The following NF2 variants were observed in gnomAD, a reference collection of about 807,000 sequenced individuals.
The protein encoded by NF2 is merlin.
A neutral mutation model predicts 83.7 loss-of-function variants in NF2; 8 were observed. That is an observed-to-expected ratio of 0.10 (90% CI 0.06 to 0.17). The LOEUF (loss-of-function observed/expected upper bound fraction) is 0.17. Among genes scored for constraint, NF2 ranks in the 10% least tolerant of loss-of-function variants. NF2 has a pLI of 1.00. For missense variants in NF2, 533 were observed against 744.4 expected (o/e 0.72, Z 3.31); for synonymous variants, 266 against 269.6 (o/e 0.99, Z 0.13).
intron 4 of NF2, among the ~76,000 whole-genome samples, chr22:29,642,533 G>A (rs980511086): frequency 6.6e-6 from 1 of 151,968 alleles, no homozygotes; most frequent in Admixed American, 6.6e-5. Context: ...TCGTTCTAAT[G>A]AATTAGAATT....
At chr22:29,687,970 C>T (rs909760365) in intron 15 of NF2, among the ~76,000 whole-genome samples, 17 of 152,206 alleles carry the variant, frequency 1.1e-4, no homozygotes, top group African/African-American at 3.1e-4. Flanking sequence ...GTGCTCCTCC[C>T]GGATGGGACA....
chr22:29,668,941 A>G (rs572032924), intron 10 of NF2, among the ~76,000 whole-genome samples: 10 of 152,382 alleles, frequency 6.6e-5, no homozygotes, highest in African/African-American at 1.2e-4. Flanking sequence ...AGGTGCCAGG[A>G]GCATCTATCA....
intron 1 of NF2, among the ~76,000 whole-genome samples, chr22:29,624,100 C>T (rs182201802): frequency 1.3e-5 from 2 of 152,324 alleles, no homozygotes; most frequent in East Asian, 3.9e-4. Flanking sequence ...GGGAAAAGCC[C>T]TGCCTCTGCT....
chr22:29,657,078 A>G (rs531626227), intron 6 of NF2, among the ~76,000 whole-genome samples: 1 of 152,118 alleles, frequency 6.6e-6, no homozygotes, highest in East Asian at 1.9e-4. Context: ...TTATAAGTAT[A>G]CAACTTGATC....
intron 15 of NF2, among the ~76,000 whole-genome samples, chr22:29,686,579 C>T (rs984838446): frequency 6.6e-6 from 1 of 152,172 alleles, no homozygotes; most frequent in Non-Finnish European, 1.5e-5. Flanking sequence ...GTGGGGGTTG[C>T]AGTGAGCCAA....
At chr22:29,625,117 C>G (rs1235849746) in intron 1 of NF2, among the ~76,000 whole-genome samples, 1 of 151,814 alleles carries the variant, frequency 6.6e-6, no homozygotes, top group Non-Finnish European at 1.5e-5. Context: ...TTAGGAGAGA[C>G]GGGGTTTCAC....
chr22:29,673,128 G>T (rs1344808055), intron 11 of NF2, 141 bp from the exon 12 acceptor site: 2 of 912,356 alleles, frequency 2.2e-6, no homozygotes, highest in Admixed American at 2.0e-5. Flanking sequence ...GTCATTTCTT[G>T]TCAGAGGGTC....
intron 1 of NF2, among the ~76,000 whole-genome samples, chr22:29,629,819 C>A (rs1165006778): frequency 6.6e-6 from 1 of 152,234 alleles, no homozygotes; most frequent in Non-Finnish European, 1.5e-5. Flanking sequence ...GCCCACCAGA[C>A]CCCTATGAAA....
At chr22:29,686,876 G>A (rs2067282703) in intron 15 of NF2, among the ~76,000 whole-genome samples, 1 of 152,194 alleles carries the variant, frequency 6.6e-6, no homozygotes, top group East Asian at 1.9e-4. Flanking sequence ...GGAGCGACAC[G>A]TGTCCTGGCA....
At chr22:29,623,091 C>T (rs2065257445) in intron 1 of NF2, among the ~76,000 whole-genome samples, 1 of 151,130 alleles carries the variant, frequency 6.6e-6, no homozygotes, top group Non-Finnish European at 1.5e-5. Context: ...GCTGGGACTA[C>T]AGGCACATGC....
intron 15 of NF2, 99 bp downstream of exon 15, chr22:29,681,700 A>G (rs994316071): frequency 1.5e-5 from 22 of 1,445,334 alleles, no homozygotes; most frequent in Non-Finnish European, 1.9e-5. Context: ...TCACTAGACT[A>G]TTGGCATCTT....
At chr22:29,682,880 C>A (rs948903020) in intron 15 of NF2, 9 of 973,982 alleles carry the variant, frequency 9.2e-6, no homozygotes, top group African/African-American at 1.6e-5. Flanking sequence ...CTGGAGAGAC[C>A]CCGTTCCAAG....
At chr22:29,627,004 C>T (rs2065383946) in intron 1 of NF2, among the ~76,000 whole-genome samples, 1 of 152,094 alleles carries the variant, frequency 6.6e-6, no homozygotes, top group Non-Finnish European at 1.5e-5. Context: ...CATCATTATA[C>T]AGTCAACTCA....
intron 15 of NF2, among the ~76,000 whole-genome samples, chr22:29,689,039 C>T (rs1335736633): frequency 3.9e-5 from 6 of 152,070 alleles, no homozygotes; most frequent in Middle Eastern, 3.4e-3. Flanking sequence ...ATTAGCTGGG[C>T]GTGGTGGCAT....
chr22:29,623,413 G>A (rs2065266124), intron 1 of NF2, among the ~76,000 whole-genome samples: 1 of 152,200 alleles, frequency 6.6e-6, no homozygotes, highest in South Asian at 2.1e-4. Context: ...GGGGTTTGGG[G>A]TAGGGAGAGA....
chr22:29,625,002 G>A (rs2065326301), intron 1 of NF2, among the ~76,000 whole-genome samples: 1 of 143,534 alleles, frequency 7.0e-6, no homozygotes, highest in African/African-American at 2.6e-5. Context: ...GTGAGATCTC[G>A]GCTCACTGCA....
At position 29,642,273 on chromosome 22, in the gene NF2, C is replaced by T. The variant is rs955424447; in HGVS notation, c.435C>T (p.Ala145=). ...PEASVLLASY[A]VQAKYGDYDP... ...CTTCTGTGCTCCTGGCTTCTTACGCCGTCCAGGCCAAGGTAGGCTCAAAGA... is the reference window on the plus strand; with the variant it reads ...CTTCTGTGCTCCTGGCTTCTTACGCTGTCCAGGCCAAGGTAGGCTCAAAGA... The change falls in exon 4 of 16, where the codon GCC becomes GCT. Residue 145 remains alanine, a synonymous_variant. Transcript: ENST00000338641. 6.8e-6 allele frequency: 11 copies of T among 1,613,930 alleles called. No homozygotes were observed. The highest frequency in any genetic ancestry group is 6.7e-5 in the East Asian group (3 of 44,900).
intron 1 of NF2, among the ~76,000 whole-genome samples, chr22:29,617,052 C>G (rs2065100626): frequency 6.6e-6 from 1 of 152,090 alleles, no homozygotes. Flanking sequence ...CCTCAGCCTC[C>G]CAAGTAGCTG....
At chr22:29,632,029 G>A (rs557952204) in intron 1 of NF2, among the ~76,000 whole-genome samples, 81 of 152,306 alleles carry the variant, frequency 5.3e-4, no homozygotes, top group Admixed American at 1.0e-3. Flanking sequence ...TGGTATTAGT[G>A]TGTTCCCTAC....
Sources: allele counts gnomAD v4.1 joint callset (sites outside exome capture counted in the v4.1 genomes callset), GRCh38; gene constraint gnomAD v4.1.1; transcripts MANE v1.5; gene names NCBI Gene and HGNC (gene_info 2026-07-23, HGNC 2026-07-21).